SOX5: variants seen among roughly 807,000 people sequenced by gnomAD.
SOX5 encodes transcription factor SOX-5.
Under a neutral mutation model 92.0 loss-of-function variants are expected in SOX5, and 9 were observed. The ratio of observed to expected loss-of-function variants is 0.10; its 90% CI spans 0.06 to 0.17. The LOEUF is 0.17. SOX5 is among the 10% of genes least tolerant of loss of function. The probability of loss-of-function intolerance (pLI) is 1.00; values close to 1 mark genes in which losing one functional copy is unlikely to be tolerated. For synonymous variants in SOX5, 344 were observed against 336.3 expected (o/e 1.02, Z -0.25); for missense variants, 642 against 944.5 (o/e 0.68, Z 4.20).
At chr12:24,362,147 TA>T (rs1955645916) in intron 2 of SOX5, among the ~76,000 whole-genome samples, 1 of 152,204 alleles carries the variant, frequency 6.6e-6, no homozygotes, top group Admixed American at 6.5e-5. Context: ...TGCCTACAAA[TA>T]TAGAGATATG....
At chr12:24,157,630 T>C (rs1184047904) in intron 4 of SOX5, among the ~76,000 whole-genome samples, 1 of 152,094 alleles carries the variant, frequency 6.6e-6, no homozygotes. Context: ...TGAATTTCAA[T>C]AAGTGATTTG....
At chr12:23,810,784 A>C (rs1394145979) in intron 3 of SOX5, among the ~76,000 whole-genome samples, 1 of 152,124 alleles carries the variant, frequency 6.6e-6, no homozygotes, top group Non-Finnish European at 1.5e-5. Flanking sequence ...TCTTTGACCC[A>C]AGCCCAACAG....
intron 1 of SOX5, among the ~76,000 whole-genome samples, chr12:23,922,066 T>C (rs1454820777): frequency 6.6e-6 from 1 of 151,816 alleles, no homozygotes; most frequent in East Asian, 1.9e-4. Flanking sequence ...ACCAGACAAC[T>C]CCCCCCCTGG....
At chr12:24,241,197 C>A (rs1378446720) in intron 3 of SOX5, among the ~76,000 whole-genome samples, 6 of 152,046 alleles carry the variant, frequency 3.9e-5, no homozygotes, top group African/African-American at 1.4e-4. Flanking sequence ...AAGTGTGATA[C>A]CAGGATATAT....
rs562614271 is a variant in SOX5 at position 23,843,816 on chromosome 12, G to A, written c.481+2167C>T. Among the ~76,000 whole-genome samples, 326 of 151,990 alleles carry A rather than the reference G, an allele frequency of 2.1e-3. 2 individuals are homozygous for A. Among genetic ancestry groups the A allele is most frequent in the Non-Finnish European group, 1.9e-3 (132 of 67,986 alleles). On this transcript the variant is annotated intron_variant, in intron 3 of 14. Transcript: ENST00000451604. The stretch of plus-strand genomic sequence containing the variant: ...TGAACTCAGGTGATCCACCTGCCAC[G>A]GCCTCCCAAAGTGCTGGGATTATAG...
chr12:23,567,212 T>C (rs916122084), intron 10 of SOX5, among the ~76,000 whole-genome samples: 4 of 152,138 alleles, frequency 2.6e-5, no homozygotes, highest in Non-Finnish European at 4.4e-5. Flanking sequence ...GGTTATCTGA[T>C]AGATACATTT....
At chr12:23,629,401 T>A (rs1459444054) in intron 8 of SOX5, among the ~76,000 whole-genome samples, 1 of 152,084 alleles carries the variant, frequency 6.6e-6, no homozygotes, top group East Asian at 1.9e-4. Flanking sequence ...AATTTTCAGT[T>A]GCTAGGATTC....
chr12:24,240,775 GT>G (rs1360935739), intron 3 of SOX5, among the ~76,000 whole-genome samples: 1 of 152,128 alleles, frequency 6.6e-6, no homozygotes, highest in Non-Finnish European at 1.5e-5. Context: ...TCAAGTGGCT[GT>G]TACTATCAAA....
At chr12:24,313,951 C>CA (rs1275846143) in intron 2 of SOX5, among the ~76,000 whole-genome samples, 1 of 127,910 alleles carries the variant, frequency 7.8e-6, no homozygotes, top group African/African-American at 2.5e-5. Context: ...CCAAAATCCT[C>CA]AAATCATCTT....
intron 1 of SOX5, among the ~76,000 whole-genome samples, chr12:23,898,431 A>G (rs1342592844): frequency 6.6e-6 from 1 of 152,166 alleles, no homozygotes. Flanking sequence ...TGAAAGCAGA[A>G]AGCAAGATCA....
At chr12:24,293,969 G>T (rs1282003080) in intron 2 of SOX5, among the ~76,000 whole-genome samples, 2 of 152,156 alleles carry the variant, frequency 1.3e-5, no homozygotes, top group Admixed American at 1.3e-4. Context: ...AACGGAAACA[G>T]CTCCATTAAA....
At chr12:23,960,912 T>G (rs1946860637) in intron 4 of SOX5, among the ~76,000 whole-genome samples, 1 of 152,098 alleles carries the variant, frequency 6.6e-6, no homozygotes, top group South Asian at 2.1e-4. Context: ...GATTAAAACT[T>G]TTCACTGCAT....
At chr12:23,745,943 A>G (rs2093968529) in intron 4 of SOX5, among the ~76,000 whole-genome samples, 1 of 152,180 alleles carries the variant, frequency 6.6e-6, no homozygotes, top group Admixed American at 6.6e-5. Context: ...GCATATAGAA[A>G]ATCATCTAAC....
chr12:23,977,293 A>G (rs1476084688), intron 4 of SOX5, among the ~76,000 whole-genome samples: 1 of 152,136 alleles, frequency 6.6e-6, no homozygotes, highest in Non-Finnish European at 1.5e-5. Flanking sequence ...ATGCTTTGCT[A>G]CTCCATCACC....
chr12:24,447,961 A>T (rs1941732404), intron 1 of SOX5, among the ~76,000 whole-genome samples: 1 of 152,060 alleles, frequency 6.6e-6, no homozygotes, highest in Non-Finnish European at 1.5e-5. Context: ...CGGGTAGATC[A>T]TCTGAGGTCA....
chr12:24,540,558 G>C (rs1047784215), intron 1 of SOX5, among the ~76,000 whole-genome samples: 4 of 152,128 alleles, frequency 2.6e-5, no homozygotes, highest in Admixed American at 2.6e-4. Context: ...TCATTTCAGA[G>C]AGACATTTAT....
At chr12:23,832,132 T>C (rs1017183150) in intron 3 of SOX5, among the ~76,000 whole-genome samples, 2 of 152,054 alleles carry the variant, frequency 1.3e-5, no homozygotes, top group African/African-American at 4.8e-5. Context: ...CTTCAGCTCA[T>C]ATTCACATTT....
intron 2 of SOX5, among the ~76,000 whole-genome samples, chr12:24,318,572 A>G (rs968050316): frequency 6.6e-6 from 1 of 152,164 alleles, no homozygotes; most frequent in Non-Finnish European, 1.5e-5. Context: ...TTATCCTATT[A>G]TTAGTTGAAT....
In SOX5 at chr12:23,613,014, T is replaced by A. The variant is rs78851419; in HGVS notation, c.1018-8481A>T. On this transcript the variant is annotated intron_variant, in intron 8 of 14. Transcript: ENST00000451604. Reference sequence around the variant, plus strand: ...TATTTTTCATAATGTTTTTTCACATTATCATAGAAAATTATCATAGCAACT... The same window carrying A: ...TATTTTTCATAATGTTTTTTCACATAATCATAGAAAATTATCATAGCAACT... Among the ~76,000 whole-genome samples, 1,023 of 152,224 alleles carry A rather than the reference T, an allele frequency of 6.7e-3. 7 individuals carry two copies. Among genetic ancestry groups the A allele is most frequent in the African/African-American group, 0.024 (982 of 41,526 alleles).
Sources: allele counts gnomAD v4.1 joint callset (sites outside exome capture counted in the v4.1 genomes callset), GRCh38; gene constraint gnomAD v4.1.1; transcripts MANE v1.5; gene names NCBI Gene and HGNC (gene_info 2026-07-23, HGNC 2026-07-21).